NOTCH1: variants seen among roughly 807,000 people sequenced by gnomAD.
NOTCH1 encodes neurogenic locus notch homolog protein 1.
Under a neutral mutation model 254.8 loss-of-function variants are expected in NOTCH1, and 37 were observed. The observed-to-expected ratio is 0.15, with a 90% CI of 0.11 to 0.19. The LOEUF (loss-of-function observed/expected upper bound fraction) is 0.19. NOTCH1 is among the 10% of genes least tolerant of loss of function. The probability of loss-of-function intolerance (pLI) is 1.00; values close to 1 mark genes in which losing one functional copy is unlikely to be tolerated. For synonymous variants in NOTCH1, 1,731 were observed against 1,618.1 expected (o/e 1.07, Z -1.68); for missense variants, 2,972 against 3,708.6 (o/e 0.80, Z 5.16).
chr9:136,536,698 C>G (rs532820264), intron 2 of NOTCH1, among the ~76,000 whole-genome samples: 20 of 152,366 alleles, frequency 1.3e-4, no homozygotes, highest in African/African-American at 4.6e-4. Flanking sequence ...TGGGGTCCCA[C>G]AGCACTGACT....
Position 136,510,509 on chromosome 9 carries a change from A to G in NOTCH1, c.2740+144T>C, listed in dbSNP as rs1042013871. 60 of 1,112,686 alleles carry G rather than the reference A, an allele frequency of 5.4e-5. 2 individuals are homozygous for G. The South Asian group carries it at 5.4e-4, about 10-fold the overall frequency. 68.9% of individuals were successfully genotyped at this position (1,112,686 alleles called of 1,614,324 possible). A position where few individuals can be genotyped will look rare whatever the true frequency, so the allele number is the denominator to read the frequency against. On this transcript the variant is annotated intron_variant, in intron 17 of 33. Transcript: ENST00000651671. ...AACCACCCTGGCCATCCCTCAGCAC[A>G]TCCCCCACACCTGACCCAACCCTCC...
rs1843084685 is a variant in NOTCH1, at chr9:136,506,382, CTA to C, written c.4014+143_4014+144del. 4.7e-6 allele frequency: 3 copies of C among 632,600 alleles called. No homozygotes were observed. In the Admixed American group the frequency reaches 9.1e-5, roughly 19 times the overall value. 39.2% of individuals were successfully genotyped at this position (632,600 alleles called of 1,614,324 possible). ...ATGTCTCTAAAATCATTTATTGAAA[CTA>C]AAAAAAAAAAAAAGACATCAGGGTG... is the stretch of plus-strand genomic sequence containing the variant. On this transcript the variant is annotated intron_variant, in intron 24 of 33. Transcript: ENST00000651671. The surrounding 1 kb of genome is among the most constrained non-coding windows in gnomAD (Gnocchi z 4.5).
intron 1 of NOTCH1, among the ~76,000 whole-genome samples, chr9:136,544,893 G>C (rs997957560): frequency 3.3e-5 from 5 of 152,052 alleles, no homozygotes; most frequent in African/African-American, 9.7e-5. Flanking sequence ...CCATCTTACC[G>C]GGGCTGAGAA....
At chr9:136,543,835 ACACG>A in intron 2 of NOTCH1, 185 bp downstream of exon 2, 1 of 683,034 alleles carries the variant, frequency 1.5e-6, no homozygotes, top group South Asian at 1.7e-5. Flanking sequence ...GACCAGCTCC[ACACG>A]CAGCATAATT....
At chr9:136,515,956 C>T (rs144000371) in intron 10 of NOTCH1, 25 bp downstream of exon 10, 2 of 1,578,760 alleles carry the variant, frequency 1.3e-6, no homozygotes, top group Admixed American at 1.7e-5. Context: ...CCAGTCCCTC[C>T]CCGCTGGTGG....
chr9:136,542,364 G>A (rs1843744161), intron 2 of NOTCH1, among the ~76,000 whole-genome samples: 1 of 152,058 alleles, frequency 6.6e-6, no homozygotes, highest in African/African-American at 2.4e-5. Flanking sequence ...GCGGGGAAGG[G>A]GGTTATACAT....
chr9:136,510,540 C>T, intron 17 of NOTCH1, 113 bp downstream of exon 17: 4 of 1,413,614 alleles, frequency 2.8e-6, no homozygotes, highest in African/African-American at 2.8e-5. Flanking sequence ...CCTCCCCGGC[C>T]ACACTCCGGC....
At position 136,505,864 on chromosome 9, in the gene NOTCH1, C is replaced by T. The variant is rs778180538; in HGVS notation, c.4032G>A (p.Thr1344=). 39 of 1,593,174 alleles carry T rather than the reference C, an allele frequency of 2.4e-5. No individual in the cohort carries two copies. Among genetic ancestry groups the T allele is most frequent in the Non-Finnish European group, 3.2e-5 (38 of 1,177,644 alleles). The change falls in exon 25 of 34, where the codon ACG becomes ACA. Residue 1344 remains threonine (T), a synonymous_variant. Transcript: ENST00000651671. ...CGCAGGTACGAGCGTCATTCTCACA[C>T]GTGGCGCCCTCGAAGCCCTGCCCGA... is the stretch of plus-strand genomic sequence containing the variant. The part of the protein sequence containing the change: ...CKCPAGFEGA[T]CENDARTCGS...
Position 136,501,993 on chromosome 9 carries a change from C to T in NOTCH1, c.5472+8G>A, listed in dbSNP as rs776640246. 12 of 1,612,504 alleles carry T rather than the reference C, an allele frequency of 7.4e-6. No homozygotes were observed. Among genetic ancestry groups the T allele is most frequent in the Middle Eastern group, 1.6e-4 (1 of 6,084 alleles). Reference sequence around the variant, plus strand: ...GGAGCCCAGGAGCCCGGGAGCCTCGCGACTCACCCGGAACTTCTTGGTCTC... The same window carrying T: ...GGAGCCCAGGAGCCCGGGAGCCTCGTGACTCACCCGGAACTTCTTGGTCTC... On this transcript the variant is annotated splice_region_variant and intron_variant, in intron 29 of 33. Coordinates refer to ENST00000651671, the MANE Select transcript of NOTCH1 (RefSeq NM_017617.5).
Position 136,513,781 on chromosome 9 carries a change from A to C in NOTCH1, c.2208-244T>G, listed in dbSNP as rs938711337. Among the ~76,000 whole-genome samples the C allele has an allele frequency of 1.3e-5, 2 of 152,190 alleles. No homozygotes were observed. Among genetic ancestry groups the C allele is most frequent in the African/African-American group, 4.8e-5 (2 of 41,438 alleles). ...CAAGATCAGCCTGGCCAACATGGCG[A>C]AACTCCCCCACCCCATATATACTAA... On this transcript the variant is annotated intron_variant, in intron 13 of 33. Coordinates refer to ENST00000651671, the MANE Select transcript of NOTCH1 (RefSeq NM_017617.5). This position sits in a 1 kb window ranked among gnomAD's most constrained non-coding sequence, Gnocchi z 4.7.
rs1023249900 is a variant in NOTCH1 at position 136,506,418 on chromosome 9, G to A, written c.4014+109C>T. On this transcript the variant is annotated intron_variant, in intron 24 of 33. Coordinates refer to ENST00000651671, the MANE Select transcript of NOTCH1 (RefSeq NM_017617.5). This position sits in a 1 kb window ranked among gnomAD's most constrained non-coding sequence, Gnocchi z 4.5. ...AAAAAGACATCAGGGTGAGGAGGAG[G>A]ATGAAGGCCGGGAGGATCACTGCCC... The A allele has an allele frequency of 7.2e-6, 6 of 832,702 alleles. No homozygotes were observed. The highest frequency in any genetic ancestry group is 1.7e-5 in the African/African-American group (1 of 58,652). The allele number at this position is 832,702 out of a possible 1,614,324, so 51.6% of individuals were successfully genotyped here. A position where few individuals can be genotyped will look rare whatever the true frequency, so the allele number is the denominator to read the frequency against.
Position 136,545,154 on chromosome 9 carries a change from C to T in NOTCH1, c.61+572G>A, listed in dbSNP as rs1010236330. 1.3e-5 allele frequency among the ~76,000 whole-genome samples: 2 copies of T among 151,472 alleles called. No homozygotes were observed. On this transcript the variant is annotated intron_variant, in intron 1 of 33. Coordinates refer to ENST00000651671, the MANE Select transcript of NOTCH1 (RefSeq NM_017617.5). This position sits in a 1 kb window ranked among gnomAD's most constrained non-coding sequence, Gnocchi z 6.8. ...GGCGCGGCGGCTTCTTACGCAACCC[C>T]TCCCCCAAACTGAGAGCCGGGCTGG...
In NOTCH1 at chr9:136,508,343, C is replaced by T. The variant is rs780582836; in HGVS notation, c.3214G>A (p.Gly1072Ser). Residue 1072 changes from glycine (G) to serine (S), a missense_variant, in exon 20 of 34, where the codon GGC (glycine) becomes AGC (serine). Around this residue, in one of 8 missense-constraint regions of NOTCH1, gnomAD observed 1,343 missense variants for 1,557.0 expected, o/e 0.86. Coordinates refer to ENST00000651671, the MANE Select transcript of NOTCH1 (RefSeq NM_017617.5). ...WCDSSPCKNG[G>S]KCWQTHTQYR... The stretch of plus-strand genomic sequence containing the variant: ...TGGGTGTGGGTCTGCCAGCATTTGC[C>T]GCCGTTCTTGCAGGGCGAGGAGTCA... 4.5e-5 allele frequency: 72 copies of T among 1,613,076 alleles called. No individual in the cohort carries two copies. The highest frequency in any genetic ancestry group is 5.8e-5 in the Non-Finnish European group (69 of 1,180,014).
chr9:136,498,967 C>T lies in NOTCH1; in HGVS notation c.6112G>A (p.Val2038Met), dbSNP rs2133321802. 2 of 1,613,560 alleles carry T rather than the reference C, an allele frequency of 1.2e-6. No individual in the cohort carries two copies. The highest frequency in any genetic ancestry group is 1.7e-6 in the Non-Finnish European group (2 of 1,180,002). Residue 2038 changes from valine to methionine, a missense_variant, in exon 33 of 34, where the codon GTG becomes ATG. Val to Met is a conservative substitution (Grantham distance 21, BLOSUM62 1). Transcript: ENST00000651671. ...ACAACTGCGGCATCCACATTGTTCACGGCGGCGGCCCAGTGCAGGGCGGAC... is the reference window on the plus strand; with the variant it reads ...ACAACTGCGGCATCCACATTGTTCATGGCGGCGGCCCAGTGCAGGGCGGAC... ...GKSALHWAAA[V>M]NNVDAAVVLL... is the part of the protein sequence containing the mutation.
chr9:136,520,957 G>T (rs1005538499), intron 4 of NOTCH1, among the ~76,000 whole-genome samples: 5 of 152,152 alleles, frequency 3.3e-5, no homozygotes, highest in Admixed American at 6.5e-5. Context: ...CTCGGCCAGC[G>T]ACCCCACGAG....
At position 136,499,213 on chromosome 9, in the gene NOTCH1, T is replaced by C. The variant is rs1454512890; in HGVS notation, c.5981A>G (p.Asp1994Gly). The C allele has an allele frequency of 1.9e-6, 3 of 1,613,362 alleles. No homozygotes were observed. The highest frequency in any genetic ancestry group is 2.5e-6 in the Non-Finnish European group (3 of 1,180,004). ...RATDLDARMH[D>G]GTTPLILAAR... is the part of the protein sequence containing the mutation. ...AGCCAGGATCAGTGGCGTCGTGCCA[T>C]CATGCATGCGGGCATCCAGGTCTGT... The change falls in exon 32 of 34, where the codon GAT (aspartate) becomes GGT (glycine). Residue 1994 changes from aspartate to glycine, a missense_variant. Coordinates refer to ENST00000651671, the MANE Select transcript of NOTCH1 (RefSeq NM_017617.5).
At chr9:136,500,415 C>T in intron 31 of NOTCH1, 137 bp downstream of exon 31, 1 of 1,076,814 alleles carries the variant, frequency 9.3e-7, no homozygotes, top group Non-Finnish European at 1.4e-6. Context: ...GCGAAGGTCC[C>T]AGGTGGAGGC....
chr9:136,518,376 C>G, intron 6 of NOTCH1, 84 bp from the exon 7 acceptor site: 1 of 1,523,622 alleles, frequency 6.6e-7, no homozygotes, highest in Non-Finnish European at 8.8e-7. Context: ...ACCCCACTGA[C>G]ACCCCAGGAG....
In NOTCH1 at chr9:136,502,482, G is replaced by A. The variant is rs764048350; in HGVS notation, c.5174C>T (p.Thr1725Ile). ...PYKIEAVQSE[T>I]VEPPPPAQLH... ...CTGCGCCGGCGGGGGCGGCTCCACG[G>A]TCTCACCTGCGGGCACGGGGGCCAG... The change falls in exon 28 of 34, where the codon ACC (threonine) becomes ATC (isoleucine). Residue 1725 changes from threonine to isoleucine, a missense_variant. By Grantham distance (89) the Thr-to-Ile change is moderately conservative. Around this residue, in one of 8 missense-constraint regions of NOTCH1, gnomAD observed 421 missense variants for 604.4 expected, o/e 0.70. Coordinates refer to ENST00000651671, the MANE Select transcript of NOTCH1 (RefSeq NM_017617.5). 6.4e-7 allele frequency: 1 copy of A among 1,563,724 alleles called. No homozygotes were observed. Among genetic ancestry groups the A allele is most frequent in the South Asian group, 1.1e-5 (1 of 87,366 alleles).
Sources: allele counts gnomAD v4.1 joint callset (sites outside exome capture counted in the v4.1 genomes callset), GRCh38; gene constraint gnomAD v4.1.1; regional missense constraint gnomAD v4.1.1; non-coding constraint Gnocchi (gnomAD v3.1); transcripts MANE v1.5; gene names NCBI Gene and HGNC (gene_info 2026-07-23, HGNC 2026-07-21).